The following DDX24 variants were observed in gnomAD, a reference collection of about 807,000 sequenced individuals.
DDX24 encodes the protein ATP-dependent RNA helicase DDX24.
DDX24 carries 24 observed loss-of-function variants against 68.9 expected under a neutral mutation model. That is an observed-to-expected ratio of 0.35 (90% CI 0.25 to 0.49). The LOEUF (loss-of-function observed/expected upper bound fraction) is 0.49, where lower values mean the gene tolerates loss of function less well. DDX24 is among the 20% of genes least tolerant of loss of function. The pLI, the probability that DDX24 is intolerant of heterozygous loss-of-function variation, is 0.99. For missense variants in DDX24, 989 were observed against 1,039.0 expected, an observed-to-expected ratio of 0.95 and a Z score of 0.66; for synonymous variants, 395 against 385.2, an observed-to-expected ratio of 1.03 and a Z score of -0.30.
chr14:94,070,008 G>T (rs1885796410), intron 2 of DDX24, among the ~76,000 whole-genome samples: 1 of 152,062 alleles, frequency 6.6e-6, no homozygotes, highest in African/African-American at 2.4e-5. Flanking sequence ...GGAAGTCCTA[G>T]CCAGAGCAAT....
Position 94,057,905 on chromosome 14 carries a change from A to G in DDX24, c.1914-8T>C. 2 of 1,612,312 alleles carry G rather than the reference A, an allele frequency of 1.2e-6. No homozygotes were observed. The highest frequency in any genetic ancestry group is 2.2e-5 in the South Asian group (2 of 90,760). On this transcript the variant is annotated splice_region_variant and splice_polypyrimidine_tract_variant and intron_variant, in intron 5 of 8. Coordinates refer to ENST00000621632, the MANE Select transcript of DDX24 (RefSeq NM_020414.4). Reference sequence around the variant, plus strand: ...GTTGCCAAGAGAACACAGCTGGGGTAGAGAGAGAAAGCTTATTAATAATAA... The same window carrying G: ...GTTGCCAAGAGAACACAGCTGGGGTGGAGAGAGAAAGCTTATTAATAATAA...
chr14:94,060,118 C>A lies in DDX24; in HGVS notation c.1893G>T (p.Glu631Asp). 1.2e-6 allele frequency: 2 copies of A among 1,612,896 alleles called. No homozygotes were observed. Among genetic ancestry groups the A allele is most frequent in the Non-Finnish European group, 1.7e-6 (2 of 1,178,992 alleles). ...CTTACTCTTCCAGACGGGCAAACTG[C>A]TCCAGGTTTCTGAGCCTCTGCTTCT... The part of the protein sequence containing the change: ...MHQKQRLRNL[E>D]QFARLEDCVL... Residue 631 changes from glutamate (E) to aspartate (D), a missense_variant, in exon 5 of 9, where the codon GAG (glutamate) becomes GAT (aspartate). By Grantham distance (45) the Glu-to-Asp change is conservative. This residue lies in a region of DDX24 where 691 missense variants were observed against 760.0 expected (regional missense o/e 0.91). Transcript: ENST00000621632.
At chr14:94,064,548 T>G (rs1885660370) in intron 2 of DDX24, among the ~76,000 whole-genome samples, 1 of 152,208 alleles carries the variant, frequency 6.6e-6, no homozygotes, top group Admixed American at 6.5e-5. Flanking sequence ...TTATCAATCA[T>G]GCCTATGCAA....
chr14:94,079,727 T>C lies in DDX24; in HGVS notation c.16A>G (p.Thr6Ala). MKLKD[T>A]KSRPKQSSCG... ...CTTGACTGCTTTGGCCTTGATTTTGTGTCCTTCAACTTCATGGTTGCTGAA... is the reference window on the plus strand; with the variant it reads ...CTTGACTGCTTTGGCCTTGATTTTGCGTCCTTCAACTTCATGGTTGCTGAA... The change falls in exon 2 of 9, where the codon ACA (threonine) becomes GCA (alanine). Residue 6 changes from threonine (T) to alanine (A), a missense_variant. Thr to Ala is a moderately conservative substitution (Grantham distance 58). Around this residue, in one of 3 missense-constraint regions of DDX24, gnomAD observed 295 missense variants for 263.0 expected, o/e 1.12. Transcript: ENST00000621632. 6.2e-7 allele frequency: 1 copy of C among 1,613,914 alleles called. No homozygotes were observed. The highest frequency in any genetic ancestry group is 1.1e-5 in the South Asian group (1 of 91,074).
chr14:94,052,884 G>A, intron 8 of DDX24, 114 bp downstream of exon 8: 2 of 1,418,236 alleles, frequency 1.4e-6, no homozygotes, highest in Non-Finnish European at 9.4e-7. Context: ...CAAAGAGGGG[G>A]AAGGACGCCT....
chr14:94,066,328 C>T (rs1193023393), intron 2 of DDX24, among the ~76,000 whole-genome samples: 1 of 152,176 alleles, frequency 6.6e-6, no homozygotes, highest in Non-Finnish European at 1.5e-5. Context: ...TCCCCCACAA[C>T]ACCCACAACA....
At position 94,051,187 on chromosome 14, in the gene DDX24, C is replaced by CCACGA; in HGVS notation, c.*3_*4insTCGTG. 2 of 1,527,026 alleles carry CCACGA rather than the reference C, an allele frequency of 1.3e-6. No homozygotes were observed. Among genetic ancestry groups the CCACGA allele is most frequent in the Non-Finnish European group, 1.8e-6 (2 of 1,138,084 alleles). The allele number at this position is 1,527,026 out of a possible 1,614,324, so 94.6% of individuals were successfully genotyped here. A position where few individuals can be genotyped will look rare whatever the true frequency, so the allele number is the denominator to read the frequency against. On this transcript the variant is annotated 3_prime_UTR_variant, in exon 9 of 9. Transcript: ENST00000621632. ...AATGTGCAGTCACTGACACACTTGA[C>CCACGA]CAGTTAATTTGCACTTGTACTTGGC...
chr14:94,078,865 G>C (rs1885997933), intron 2 of DDX24, 160 bp downstream of exon 2: 1 of 725,624 alleles, frequency 1.4e-6, no homozygotes, highest in African/African-American at 1.8e-5. Flanking sequence ...TTCAAGAAGA[G>C]CATATTTCAA....
intron 5 of DDX24, among the ~76,000 whole-genome samples, chr14:94,058,288 T>C (rs1260932819): frequency 6.6e-6 from 1 of 152,118 alleles, no homozygotes; most frequent in Non-Finnish European, 1.5e-5. Context: ...CCAAGCATGC[T>C]CTCACCTCCA....
In DDX24 at chr14:94,050,859, C is replaced by A. The variant is rs1379098302; in HGVS notation, c.*332G>T. ...ATCACTAAGTTAATAATGAAACAAA[C>A]TACACCACCACCCCCATCTTCTATC... On this transcript the variant is annotated 3_prime_UTR_variant, in exon 9 of 9. Coordinates refer to ENST00000621632, the MANE Select transcript of DDX24 (RefSeq NM_020414.4). 8.3e-5 allele frequency: 21 copies of A among 253,138 alleles called. No individual in the cohort carries two copies. The highest frequency in any genetic ancestry group is 2.9e-5 in the Non-Finnish European group (4 of 135,986). 15.7% of individuals were successfully genotyped at this position (253,138 alleles called of 1,614,324 possible).
At chr14:94,055,901 T>C (rs1885483380) in intron 6 of DDX24, 1 of 152,284 alleles carries the variant, frequency 6.6e-6, no homozygotes, top group African/African-American at 2.4e-5. Flanking sequence ...AATGCCTCTA[T>C]ATGTCCAAAT....
At chr14:94,065,627 T>C (rs1159809155) in intron 2 of DDX24, among the ~76,000 whole-genome samples, 1 of 152,144 alleles carries the variant, frequency 6.6e-6, no homozygotes, top group Non-Finnish European at 1.5e-5. Flanking sequence ...ACAGACCCTC[T>C]GAAGGAACTG....
intron 2 of DDX24, among the ~76,000 whole-genome samples, chr14:94,071,633 G>A (rs928489567): frequency 6.7e-6 from 1 of 148,530 alleles, no homozygotes; most frequent in African/African-American, 2.5e-5. Flanking sequence ...CTGGGCAACA[G>A]AGTGAGCCTT....
chr14:94,079,078 G>A lies in DDX24; in HGVS notation c.665C>T (p.Thr222Ile), dbSNP rs781564475. ...TTTGTCACGGATGGCAGGTGCCAAGGTCAGGGCTTGGATTGGTGTGGGTGC... is the reference window on the plus strand; with the variant it reads ...TTTGTCACGGATGGCAGGTGCCAAGATCAGGGCTTGGATTGGTGTGGGTGC... ...FSAPTPIQALTLAPAIRDKLD... is the reference protein window; with the variant it reads ...FSAPTPIQALILAPAIRDKLD... The change falls in exon 2 of 9, where the codon ACC (threonine) becomes ATC (isoleucine). Residue 222 changes from threonine to isoleucine, a missense_variant. By Grantham distance (89) the Thr-to-Ile change is moderately conservative. Around this residue, in one of 3 missense-constraint regions of DDX24, gnomAD observed 295 missense variants for 263.0 expected, o/e 1.12. Transcript: ENST00000621632. 28 of 1,614,102 alleles carry A rather than the reference G, an allele frequency of 1.7e-5. No individual in the cohort carries two copies. Among genetic ancestry groups the A allele is most frequent in the Non-Finnish European group, 2.4e-5 (28 of 1,180,052 alleles).
chr14:94,079,717 C>T lies in DDX24; in HGVS notation c.26G>A (p.Arg9Lys). The T allele has an allele frequency of 1.2e-6, 2 of 1,613,850 alleles. No homozygotes were observed. The highest frequency in any genetic ancestry group is 1.7e-6 in the Non-Finnish European group (2 of 1,179,948). MKLKDTKS[R>K]PKQSSCGKFQ... ...TTTGCCACAGCTTGACTGCTTTGGC[C>T]TTGATTTTGTGTCCTTCAACTTCAT... is the stretch of plus-strand genomic sequence containing the variant. Residue 9 changes from arginine (R) to lysine (K), a missense_variant, in exon 2 of 9, where the codon AGG (arginine) becomes AAG (lysine). Coordinates refer to ENST00000621632, the MANE Select transcript of DDX24 (RefSeq NM_020414.4).
rs1287812857 is a variant in DDX24 at position 94,060,389 on chromosome 14, T to G, written c.1622A>C (p.Lys541Thr). 2 of 1,614,216 alleles carry G rather than the reference T, an allele frequency of 1.2e-6. No individual in the cohort carries two copies. The highest frequency in any genetic ancestry group is 4.5e-5 in the East Asian group (2 of 44,880). Residue 541 changes from lysine (K) to threonine (T), a missense_variant, in exon 5 of 9, where the codon AAA becomes ACA. Lys to Thr is a moderately conservative substitution (Grantham distance 78, BLOSUM62 -1). Around this residue, in one of 3 missense-constraint regions of DDX24, gnomAD observed 691 missense variants for 760.0 expected, o/e 0.91. Transcript: ENST00000621632. ...KTAKLDLLMQ[K>T]IGMRGKPKVI... ...CTTGGGCTTGCCCCTCATGCCAATT[T>G]TCTGCATAAGGAGGTCAAGTTTGGC...
Position 94,062,187 on chromosome 14 carries a change from T to C in DDX24, c.1153A>G (p.Lys385Glu). ...AGAACCAGTCCAAGCAGAGGACGCT[T>C]TGGATATGCCTTACAGGTGGCGCTT... The part of the protein sequence containing the change: ...DKSATCKAYP[K>E]RPLLGLVLTP... The change falls in exon 3 of 9, where the codon AAG (lysine) becomes GAG (glutamate). Residue 385 changes from lysine to glutamate, a missense_variant. Coordinates refer to ENST00000621632, the MANE Select transcript of DDX24 (RefSeq NM_020414.4). 6.2e-7 allele frequency: 1 copy of C among 1,614,116 alleles called. No homozygotes were observed. The highest frequency in any genetic ancestry group is 1.1e-5 in the South Asian group (1 of 91,074).
chr14:94,055,114 C>T lies in DDX24; in HGVS notation c.2060G>A (p.Ser687Asn). The change falls in exon 7 of 9, where the codon AGT (serine) becomes AAT (asparagine). Residue 687 changes from serine to asparagine, a missense_variant. Physicochemically the swap from Ser to Asn is conservative, Grantham distance 46 (BLOSUM62 1). Around this residue, in one of 3 missense-constraint regions of DDX24, gnomAD observed 691 missense variants for 760.0 expected, o/e 0.91. Coordinates refer to ENST00000621632, the MANE Select transcript of DDX24 (RefSeq NM_020414.4). ...RTARATNEGL[S>N]LMLIGPEDVI... ...ATCCTCAGGCCCAATGAGCATCAGA[C>T]TGAGGCCTTCATTGGTAGCTCGAGC... is the stretch of plus-strand genomic sequence containing the variant. 1 of 1,614,224 alleles carries T rather than the reference C, an allele frequency of 6.2e-7. No individual in the cohort carries two copies. Among genetic ancestry groups the T allele is most frequent in the Non-Finnish European group, 8.5e-7 (1 of 1,180,034 alleles).
At chr14:94,057,469 T>C (rs1448037446) in intron 6 of DDX24, 1 of 215,500 alleles carries the variant, frequency 4.6e-6, no homozygotes, top group Non-Finnish European at 9.0e-6. Context: ...ACAGCTGGGA[T>C]TTGAGCCCAG....
Sources: gnomAD v4.1 joint callset for allele counts (sites outside exome capture counted in the v4.1 genomes callset) on GRCh38, gnomAD v4.1.1 for gene constraint, gnomAD v4.1.1 regional missense constraint, MANE v1.5 for transcripts, NCBI Gene and HGNC (gene_info 2026-07-23, HGNC 2026-07-21) for gene names.